The following PARP8 variants were observed in gnomAD, a reference collection of about 807,000 sequenced individuals.
PARP8 encodes the protein protein mono-ADP-ribosyltransferase PARP8.
A neutral mutation model predicts 124.1 loss-of-function variants in PARP8; 51 were observed. The ratio of observed to expected loss-of-function variants is 0.41; its 90% CI spans 0.33 to 0.52. The LOEUF is 0.52. PARP8 is among the 20% of genes least tolerant of loss of function. The pLI is 0.21. For synonymous variants in PARP8, 391 were observed against 361.5 expected (o/e 1.08, Z -0.93); for missense variants, 860 against 1,018.9 (o/e 0.84, Z 2.12).
Position 50,744,917 on chromosome 5 carries a change from A to G in PARP8, c.147-5234A>G, listed in dbSNP as rs1758391684. On this transcript the variant is annotated intron_variant, in intron 2 of 25. Coordinates refer to ENST00000281631, the MANE Select transcript of PARP8 (RefSeq NM_024615.4). Reference sequence around the variant, plus strand: ...TTTATTATGTACAGCACATACTAACAGTACTCTGCAATCTACTTAAGCTTT... The same window carrying G: ...TTTATTATGTACAGCACATACTAACGGTACTCTGCAATCTACTTAAGCTTT... The G allele has an allele frequency of 6.6e-6, 4 of 602,608 alleles. No individual in the cohort carries two copies. In the South Asian group the frequency reaches 8.3e-5, roughly 12 times the overall value. 37.3% of individuals were successfully genotyped at this position (602,608 alleles called of 1,614,324 possible). A position where few individuals can be genotyped will look rare whatever the true frequency, so the allele number is the denominator to read the frequency against.
intron 2 of PARP8, among the ~76,000 whole-genome samples, chr5:50,676,183 C>T (rs1212077901): frequency 6.6e-6 from 1 of 152,056 alleles, no homozygotes; most frequent in South Asian, 2.1e-4. Flanking sequence ...AGTTGTTTTG[C>T]GGAAAACACT....
intron 2 of PARP8, among the ~76,000 whole-genome samples, chr5:50,705,279 A>C (rs1048876632): frequency 1.1e-4 from 16 of 152,212 alleles, no homozygotes; most frequent in Admixed American, 6.5e-4. Context: ...TGGCTCTGCT[A>C]TGAAGAAAAG....
At chr5:50,676,157 T>C (rs1750612334) in intron 2 of PARP8, among the ~76,000 whole-genome samples, 1 of 152,274 alleles carries the variant, frequency 6.6e-6, no homozygotes, top group South Asian at 2.1e-4. Context: ...ATTACAGATC[T>C]GGAGTATCTC....
Position 50,843,305 on chromosome 5 carries a change from A to C in PARP8, c.*1237A>C, listed in dbSNP as rs987252404. On this transcript the variant is annotated 3_prime_UTR_variant, in exon 26 of 26. Coordinates refer to ENST00000281631, the MANE Select transcript of PARP8 (RefSeq NM_024615.4). ...TTGGAATAAGGCCATTCATGAAAGCAGTTTAATTAGTGAGTCTGCCACTCT... is the reference window on the plus strand; with the variant it reads ...TTGGAATAAGGCCATTCATGAAAGCCGTTTAATTAGTGAGTCTGCCACTCT... The C allele has an allele frequency of 2.0e-5, 3 of 151,756 alleles. No individual in the cohort carries two copies. Among genetic ancestry groups the C allele is most frequent in the African/African-American group, 7.2e-5 (3 of 41,386 alleles). The allele number at this position is 151,756 out of a possible 1,614,324, so 9.4% of individuals were successfully genotyped here.
chr5:50,772,889 G>C (rs1761771824), intron 7 of PARP8, among the ~76,000 whole-genome samples: 1 of 151,926 alleles, frequency 6.6e-6, no homozygotes, highest in Non-Finnish European at 1.5e-5. Context: ...ATTAGAGACA[G>C]GGTTTCGCCA....
chr5:50,724,692 C>G (rs1756236724), intron 2 of PARP8, among the ~76,000 whole-genome samples: 1 of 151,574 alleles, frequency 6.6e-6, no homozygotes, highest in Admixed American at 6.6e-5. Context: ...TATTATGATG[C>G]TCTCTTTTTA....
At chr5:50,803,610 A>AT (rs1279526606) in intron 14 of PARP8, among the ~76,000 whole-genome samples, 1 of 151,778 alleles carries the variant, frequency 6.6e-6, no homozygotes, top group African/African-American at 2.4e-5. Context: ...CTCAAATCTG[A>AT]TTTTTTATTT....
At chr5:50,824,870 T>C in intron 17 of PARP8, 38 bp from the exon 18 acceptor site, 1 of 1,561,362 alleles carries the variant, frequency 6.4e-7, no homozygotes, top group Admixed American at 1.7e-5. Flanking sequence ...AAAATGAATT[T>C]TTATGAAAAA....
chr5:50,738,180 A>G (rs757934702), intron 2 of PARP8, among the ~76,000 whole-genome samples: 1 of 152,238 alleles, frequency 6.6e-6, no homozygotes, highest in Non-Finnish European at 1.5e-5. Context: ...TACATATAGT[A>G]TTTAAACAGA....
At chr5:50,810,420 A>G (rs1309529232) in intron 14 of PARP8, among the ~76,000 whole-genome samples, 1 of 152,072 alleles carries the variant, frequency 6.6e-6, no homozygotes, top group Non-Finnish European at 1.5e-5. Flanking sequence ...TAGCTCTTAA[A>G]ATGACTATGT....
chr5:50,699,052 G>T (rs190213985), intron 2 of PARP8, among the ~76,000 whole-genome samples: 6 of 152,302 alleles, frequency 3.9e-5, no homozygotes, highest in Admixed American at 3.9e-4. Flanking sequence ...TGAGGACACA[G>T]TGGTGTCATT....
rs575138892 is a variant in PARP8, at chr5:50,801,345, C to A, written c.1575+4112C>A. ...AACTCCTGACCTCAGGTGATCCGCC[C>A]ACCTCGGCCTTCCAAAGTGATGGGA... is the stretch of plus-strand genomic sequence containing the variant. On this transcript the variant is annotated intron_variant, in intron 14 of 25. Transcript: ENST00000281631. Among the ~76,000 whole-genome samples the A allele has an allele frequency of 3.1e-4, 47 of 152,138 alleles. No homozygotes were observed. The South Asian group carries it at 9.1e-3, about 30-fold the overall frequency.
intron 2 of PARP8, among the ~76,000 whole-genome samples, chr5:50,709,844 A>AGT (rs35238386): frequency 0.051 from 6,502 of 127,794 alleles, 168 homozygotes; most frequent in African/African-American, 0.067. Context: ...TTTGTACAAG[A>AGT]GTGTGTGTGT....
At chr5:50,773,160 T>C (rs1372231134) in intron 7 of PARP8, among the ~76,000 whole-genome samples, 5 of 152,188 alleles carry the variant, frequency 3.3e-5, no homozygotes, top group African/African-American at 1.2e-4. Flanking sequence ...ACTATGTTGA[T>C]TGTTTCCTTT....
At chr5:50,709,961 TACATATATACACACAC>T (rs1754594132) in intron 2 of PARP8, among the ~76,000 whole-genome samples, 1 of 95,980 alleles carries the variant, frequency 1.0e-5, no homozygotes, top group African/African-American at 3.1e-5. Context: ...TATATACACA[TACATATATACACACAC>T]ACACATATAT....
intron 7 of PARP8, among the ~76,000 whole-genome samples, chr5:50,775,038 G>T (rs1031357981): frequency 2.7e-5 from 4 of 148,996 alleles, no homozygotes; most frequent in African/African-American, 9.9e-5. Flanking sequence ...CCTAGATGGG[G>T]TGGCAGCTGG....
intron 2 of PARP8, among the ~76,000 whole-genome samples, chr5:50,703,895 T>G (rs1753851327): frequency 6.6e-6 from 1 of 151,890 alleles, no homozygotes; most frequent in South Asian, 2.1e-4. Flanking sequence ...TGAGACCCTT[T>G]TTTTTTTTTA....
chr5:50,676,994 G>T (rs1040198078), intron 2 of PARP8, among the ~76,000 whole-genome samples: 1 of 152,162 alleles, frequency 6.6e-6, no homozygotes, highest in Non-Finnish European at 1.5e-5. Context: ...AATGGTTCAT[G>T]TTAAGAGTAG....
At chr5:50,807,766 C>G (rs955427599) in intron 14 of PARP8, among the ~76,000 whole-genome samples, 1 of 152,040 alleles carries the variant, frequency 6.6e-6, no homozygotes, top group African/African-American at 2.4e-5. Flanking sequence ...ACTTGGCAAT[C>G]GTTCTATGTG....
Sources: gnomAD v4.1 joint callset for allele counts (sites outside exome capture counted in the v4.1 genomes callset) on GRCh38, gnomAD v4.1.1 for gene constraint, MANE v1.5 for transcripts, NCBI Gene and HGNC (gene_info 2026-07-23, HGNC 2026-07-21) for gene names.